HIVEP3: variants seen among roughly 807,000 people sequenced by gnomAD.
The protein encoded by HIVEP3 is HIVEP zinc finger 3.
HIVEP3 carries 49 observed loss-of-function variants against 152.8 expected under a neutral mutation model. That is an observed-to-expected ratio of 0.32 (90% CI 0.26 to 0.41). The LOEUF is 0.41. HIVEP3 is among the 10% of genes least tolerant of loss of function. HIVEP3 has a pLI of 1.00. For synonymous variants in HIVEP3, 1,269 were observed against 1,289.0 expected (o/e 0.98, Z 0.33); for missense variants, 2,790 against 3,103.3 (o/e 0.90, Z 2.40).
At position 41,599,580 on chromosome 1, in the gene HIVEP3, A is replaced by T. The variant is rs141535943; in HGVS notation, c.-521-14262T>A. On this transcript the variant is annotated intron_variant, in intron 3 of 8. Transcript: ENST00000372583. ...AACGCACCTGAAAATGGCAAAAGTT[A>T]ACTCAAAATGAATCAAAGACCTAAA... is the stretch of plus-strand genomic sequence containing the variant. Among the ~76,000 whole-genome samples the T allele has an allele frequency of 1.2e-4, 18 of 152,336 alleles. No individual in the cohort carries two copies. The East Asian group carries it at 3.1e-3, about 26-fold the overall frequency.
In HIVEP3 at chr1:41,513,655, C is replaced by G. The variant is rs755089793; in HGVS notation, c.5566G>C (p.Asp1856His). 2 of 1,613,798 alleles carry G rather than the reference C, an allele frequency of 1.2e-6. No individual in the cohort carries two copies. Among genetic ancestry groups the G allele is most frequent in the Non-Finnish European group, 1.7e-6 (2 of 1,179,942 alleles). Residue 1856 changes from aspartate to histidine, a missense_variant, in exon 8 of 9, where the codon GAC becomes CAC. Physicochemically the swap from Asp to His is moderately conservative, Grantham distance 81. Transcript: ENST00000372583. ...QFSDLEDSDS[D>H]SDLDEDEDED... ...TCCTCGTCTTCGTCCAGGTCTGAGT[C>G]TGAGTCCGAGTCCTCCAGGTCCGAA... is the stretch of plus-strand genomic sequence containing the variant.
chr1:41,726,385 A>AG (rs1337991983), intron 1 of HIVEP3, among the ~76,000 whole-genome samples: 2 of 152,188 alleles, frequency 1.3e-5, no homozygotes, highest in African/African-American at 4.8e-5. Flanking sequence ...GCAGGCATGA[A>AG]GGGGGCTGGA....
At chr1:42,005,728 G>A (rs1645455590) in intron 1 of HIVEP3, among the ~76,000 whole-genome samples, 1 of 152,190 alleles carries the variant, frequency 6.6e-6, no homozygotes, top group Admixed American at 6.5e-5. Flanking sequence ...GCTGCTTGTA[G>A]AAATCTTTGC....
intron 2 of HIVEP3, among the ~76,000 whole-genome samples, chr1:41,672,300 T>C (rs1645889884): frequency 6.6e-6 from 1 of 152,164 alleles, no homozygotes; most frequent in East Asian, 1.9e-4. Flanking sequence ...CCCACACATC[T>C]CCTGGCATCA....
At chr1:41,752,700 C>T (rs1218338192) in intron 1 of HIVEP3, among the ~76,000 whole-genome samples, 1 of 152,260 alleles carries the variant, frequency 6.6e-6, no homozygotes, top group African/African-American at 2.4e-5. Flanking sequence ...AGCCCAGGCC[C>T]TCCAGGTGAT....
chr1:41,698,174 C>A (rs922069480), intron 2 of HIVEP3, among the ~76,000 whole-genome samples: 1 of 152,184 alleles, frequency 6.6e-6, no homozygotes, highest in Non-Finnish European at 1.5e-5. Context: ...GGTGCAGATT[C>A]CCTCCTTATG....
intron 3 of HIVEP3, among the ~76,000 whole-genome samples, chr1:41,590,445 G>C (rs1346406955): frequency 1.3e-5 from 2 of 152,242 alleles, no homozygotes; most frequent in East Asian, 1.9e-4. Context: ...AAGGAAAAGT[G>C]CTTGCCCTCC....
intron 1 of HIVEP3, among the ~76,000 whole-genome samples, chr1:41,971,825 CCATG>C (rs1557544690): frequency 6.6e-6 from 1 of 152,122 alleles, no homozygotes; most frequent in Non-Finnish European, 1.5e-5. Context: ...TGGTGATAGA[CCATG>C]ACAGCTCTGC....
At chr1:41,876,975 C>A (rs997742178) in intron 1 of HIVEP3, among the ~76,000 whole-genome samples, 3 of 152,148 alleles carry the variant, frequency 2.0e-5, no homozygotes, top group Non-Finnish European at 2.9e-5. Flanking sequence ...AAGCCCTAAA[C>A]CCCTCCTGAG....
rs564685952 is a variant in HIVEP3, at chr1:41,973,464, T to C, written n.120-54940A>G. Among the ~76,000 whole-genome samples the C allele has an allele frequency of 3.3e-5, 5 of 152,312 alleles. No individual in the cohort carries two copies. In the East Asian group the frequency reaches 5.8e-4, roughly 18 times the overall value. On this transcript the variant is annotated intron_variant and non_coding_transcript_variant, in intron 1 of 3. Coordinates refer to the HIVEP3 transcript ENST00000489103. ...TAGGCTGTTGGCAGGATGCAGTTCC[T>C]TGTGGGCTGTTGGGCTGAGGGATTC...
chr1:41,581,901 A>G lies in HIVEP3; in HGVS notation c.2897T>C (p.Met966Thr), dbSNP rs747622464. Reference sequence around the variant, plus strand: ...GTGGGTGCCCAGGGGTTTGGGGCGCATGTCAGATGAGGGACTGGGGGCCTC... The same window carrying G: ...GTGGGTGCCCAGGGGTTTGGGGCGCGTGTCAGATGAGGGACTGGGGGCCTC... ...KAEAPSPSSD[M>T]RPKPLGTHML... Residue 966 changes from methionine (M) to threonine (T), a missense_variant, in exon 4 of 9, where the codon ATG (methionine) becomes ACG (threonine). By Grantham distance (81) the Met-to-Thr change is moderately conservative (BLOSUM62 -1). Transcript: ENST00000372583. This position sits in a 1 kb window ranked among gnomAD's most constrained non-coding sequence, Gnocchi z 4.5. 6.2e-7 allele frequency: 1 copy of G among 1,613,916 alleles called. No individual in the cohort carries two copies. The highest frequency in any genetic ancestry group is 2.2e-5 in the East Asian group (1 of 44,872).
chr1:41,631,719 C>G (rs184901097), intron 2 of HIVEP3, among the ~76,000 whole-genome samples: 1 of 152,104 alleles, frequency 6.6e-6, no homozygotes, highest in Non-Finnish European at 1.5e-5. Flanking sequence ...TCAATCAGTT[C>G]CTGATTCTGC....
At position 41,786,255 on chromosome 1, in the gene HIVEP3, G is replaced by T. The variant is rs540544959; in HGVS notation, c.-800-85260C>A. On this transcript the variant is annotated intron_variant, in intron 1 of 8. Coordinates refer to ENST00000372583, the MANE Select transcript of HIVEP3 (RefSeq NM_024503.5). ...AATACAGGCTTGTTGACGATGACAG[G>T]AGTCAACAGAGGTGAAGCATGTGAA... Among the ~76,000 whole-genome samples, 7 of 152,302 alleles carry T rather than the reference G, an allele frequency of 4.6e-5. 1 individual carries two copies. In the South Asian group the frequency reaches 1.5e-3, roughly 32 times the overall value.
intron 4 of HIVEP3, among the ~76,000 whole-genome samples, chr1:41,576,186 G>A (rs925050361): frequency 3.3e-5 from 5 of 152,230 alleles, no homozygotes; most frequent in African/African-American, 1.2e-4. Context: ...GCAGAGCTGG[G>A]AGCAGAGCAC....
intron 1 of HIVEP3, among the ~76,000 whole-genome samples, chr1:41,798,146 C>T (rs1002925214): frequency 2.0e-5 from 3 of 151,650 alleles, no homozygotes; most frequent in South Asian, 2.1e-4. Context: ...TCGTGGGGTG[C>T]GGGGAGTGGG....
At chr1:41,932,376 G>A (rs1645000471) in intron 1 of HIVEP3, among the ~76,000 whole-genome samples, 1 of 151,774 alleles carries the variant, frequency 6.6e-6, no homozygotes, top group African/African-American at 2.4e-5. Flanking sequence ...GATTATTGAA[G>A]ATATAATATT....
chr1:41,708,121 TC>T (rs1323332045), intron 1 of HIVEP3, among the ~76,000 whole-genome samples: 1 of 152,216 alleles, frequency 6.6e-6, no homozygotes, highest in African/African-American at 2.4e-5. Flanking sequence ...GATAGAATCC[TC>T]TGCCCTATCA....
At chr1:41,764,871 C>G (rs1184651046) in intron 1 of HIVEP3, among the ~76,000 whole-genome samples, 1 of 152,174 alleles carries the variant, frequency 6.6e-6, no homozygotes, top group Non-Finnish European at 1.5e-5. Flanking sequence ...CTCCCTGGCT[C>G]GGCAGCCAGA....
chr1:41,768,510 G>A (rs1648150847), intron 1 of HIVEP3, among the ~76,000 whole-genome samples: 1 of 152,236 alleles, frequency 6.6e-6, no homozygotes, highest in South Asian at 2.1e-4. Context: ...CAGTTAGATA[G>A]TTCTACCAAT....
Sources: allele counts gnomAD v4.1 joint callset (sites outside exome capture counted in the v4.1 genomes callset), GRCh38; gene constraint gnomAD v4.1.1; non-coding constraint Gnocchi (gnomAD v3.1); transcripts MANE v1.5; gene names NCBI Gene and HGNC (gene_info 2026-07-23, HGNC 2026-07-21).